SUCLG2: variants seen among roughly 807,000 people sequenced by gnomAD.
The protein encoded by SUCLG2 is succinate--CoA ligase [GDP-forming] subunit beta, mitochondrial.
A neutral mutation model predicts 47.9 loss-of-function variants in SUCLG2; 42 were observed. The ratio of observed to expected loss-of-function variants is 0.88; its 90% CI spans 0.69 to 1.14. The LOEUF (loss-of-function observed/expected upper bound fraction) is 1.14. Among genes scored for constraint, SUCLG2 ranks in the 50% most tolerant of loss-of-function variants. The pLI is 0.00. For missense variants in SUCLG2, 571 were observed against 525.9 expected, an observed-to-expected ratio of 1.09 and a Z score of -0.84; for synonymous variants, 195 against 197.3, an observed-to-expected ratio of 0.99 and a Z score of 0.10.
intron 9 of SUCLG2, among the ~76,000 whole-genome samples, chr3:67,455,301 C>T (rs576775144): frequency 6.6e-6 from 1 of 152,194 alleles, no homozygotes; most frequent in Non-Finnish European, 1.5e-5. Context: ...CCTCCTCACA[C>T]TTTGAGTAAG....
At chr3:67,567,029 A>C (rs1707468027) in intron 2 of SUCLG2, among the ~76,000 whole-genome samples, 1 of 151,994 alleles carries the variant, frequency 6.6e-6, no homozygotes, top group African/African-American at 2.4e-5. Context: ...CCAAAACACA[A>C]AAAAATTAGC....
At chr3:67,607,738 C>T (rs9854214) in intron 2 of SUCLG2, among the ~76,000 whole-genome samples, 74,009 of 152,000 alleles carry the variant, frequency 0.49, 18,953 homozygotes, top group African/African-American at 0.64. Flanking sequence ...GGGGAGATAA[C>T]TGAATCATTG....
intron 2 of SUCLG2, among the ~76,000 whole-genome samples, chr3:67,529,850 C>T (rs1016707007): frequency 1.3e-5 from 2 of 152,184 alleles, no homozygotes; most frequent in Admixed American, 1.3e-4. Flanking sequence ...ACTCTCTAAT[C>T]TTGACTTTTT....
At chr3:67,373,502 C>A (rs1333996340), downstream of SUCLG2, among the ~76,000 whole-genome samples, 1 of 152,028 alleles carries the variant, frequency 6.6e-6, no homozygotes, top group Non-Finnish European at 1.5e-5. Context: ...ACAGCCAAAC[C>A]ATATCAGGTA....
chr3:67,563,229 T>C (rs572293158), intron 2 of SUCLG2, among the ~76,000 whole-genome samples: 13 of 152,194 alleles, frequency 8.5e-5, no homozygotes, highest in South Asian at 2.1e-4. Flanking sequence ...CAGAAATCGC[T>C]ATATTAGAAA....
chr3:67,572,198 G>C (rs1412502018), intron 2 of SUCLG2, among the ~76,000 whole-genome samples: 1 of 152,208 alleles, frequency 6.6e-6, no homozygotes, highest in Non-Finnish European at 1.5e-5. Context: ...TTCCCTTTGT[G>C]TCTGTGTCTC....
intron 9 of SUCLG2, among the ~76,000 whole-genome samples, chr3:67,425,982 A>G (rs1246146054): frequency 6.6e-6 from 1 of 152,208 alleles, no homozygotes; most frequent in Non-Finnish European, 1.5e-5. Context: ...GCTCAGGAAG[A>G]TCCTGCTTTT....
At chr3:67,514,525 C>T (rs1463089867) in intron 6 of SUCLG2, among the ~76,000 whole-genome samples, 3 of 152,146 alleles carry the variant, frequency 2.0e-5, no homozygotes, top group Non-Finnish European at 2.9e-5. Flanking sequence ...TTGGACCATC[C>T]GATCTTTTCA....
intron 10 of SUCLG2, among the ~76,000 whole-genome samples, chr3:67,396,605 T>C (rs1274478747): frequency 1.3e-5 from 2 of 152,122 alleles, no homozygotes; most frequent in Non-Finnish European, 2.9e-5. Flanking sequence ...AAGGAGGAAC[T>C]GGTACCATTC....
At chr3:67,508,528 C>T (rs1705701072) in intron 7 of SUCLG2, among the ~76,000 whole-genome samples, 2 of 152,070 alleles carry the variant, frequency 1.3e-5, no homozygotes, top group South Asian at 4.1e-4. Context: ...CCTTGTCCTC[C>T]CAAAGTGCTG....
Position 67,399,214 on chromosome 3 carries a change from C to T in SUCLG2, c.1183+1517G>A, listed in dbSNP as rs952755220. ...AAAGAAAAAAAATTATTTCATTAAA[C>T]CTCAACCCTTGATTACACATCTGTT... On this transcript the variant is annotated intron_variant, in intron 10 of 10. Coordinates refer to ENST00000307227, the MANE Select transcript of SUCLG2 (RefSeq NM_003848.4). Among the ~76,000 whole-genome samples the T allele has an allele frequency of 6.7e-4, 102 of 151,826 alleles. 1 individual carries two copies. The highest frequency in any genetic ancestry group is 2.6e-3 in the Admixed American group (39 of 15,224).
At chr3:67,403,214 G>C (rs1026200348) in intron 9 of SUCLG2, among the ~76,000 whole-genome samples, 9 of 152,200 alleles carry the variant, frequency 5.9e-5, no homozygotes, top group Non-Finnish European at 8.8e-5. Flanking sequence ...AACTGGTTTT[G>C]TTAGACTTAC....
chr3:67,408,880 C>T (rs1434565820), intron 9 of SUCLG2: 15 of 1,469,164 alleles, frequency 1.0e-5, no homozygotes, highest in Admixed American at 2.6e-5. Flanking sequence ...AGTCCATGTT[C>T]GTTCCACTCC....
intron 2 of SUCLG2, among the ~76,000 whole-genome samples, chr3:67,539,137 A>G (rs1181092154): frequency 1.3e-5 from 2 of 152,278 alleles, no homozygotes; most frequent in East Asian, 3.9e-4. Flanking sequence ...GTCTTGTGCC[A>G]ATTTTCAAAG....
intron 9 of SUCLG2, among the ~76,000 whole-genome samples, chr3:67,413,720 A>G (rs1482173229): frequency 1.3e-5 from 2 of 152,214 alleles, no homozygotes; most frequent in South Asian, 4.1e-4. Flanking sequence ...ACTGAGCAGC[A>G]TCCAGTAAAG....
At chr3:67,527,288 C>T (rs950550033) in intron 4 of SUCLG2, among the ~76,000 whole-genome samples, 28 of 152,218 alleles carry the variant, frequency 1.8e-4, no homozygotes, top group African/African-American at 4.6e-4. Flanking sequence ...ATGCAGGACC[C>T]TAATTCGCTG....
chr3:67,633,390 T>A (rs1700958704), intron 1 of SUCLG2, among the ~76,000 whole-genome samples: 1 of 152,170 alleles, frequency 6.6e-6, no homozygotes, highest in Non-Finnish European at 1.5e-5. Flanking sequence ...GGTCAAACCT[T>A]TCAAATACAG....
chr3:67,394,286 T>TG (rs1400015159), intron 10 of SUCLG2, among the ~76,000 whole-genome samples: 2 of 151,610 alleles, frequency 1.3e-5, no homozygotes, highest in African/African-American at 4.9e-5. Context: ...AAAATTTAGA[T>TG]GAATGTATAA....
intron 9 of SUCLG2, among the ~76,000 whole-genome samples, chr3:67,490,394 A>G (rs975336804): frequency 1.3e-5 from 2 of 152,194 alleles, no homozygotes; most frequent in Non-Finnish European, 2.9e-5. Context: ...AGTTTCTGAA[A>G]CATATACCAT....
Sources: allele counts gnomAD v4.1 joint callset (sites outside exome capture counted in the v4.1 genomes callset), GRCh38; gene constraint gnomAD v4.1.1; transcripts MANE v1.5; gene names NCBI Gene and HGNC (gene_info 2026-07-23, HGNC 2026-07-21).